The following TENM4 variants were observed in gnomAD, a reference collection of about 807,000 sequenced individuals.
The protein encoded by TENM4 is teneurin-4.
In TENM4, 82 loss-of-function variants were observed where a neutral mutation model predicts 243.3. That is an observed-to-expected ratio of 0.34 (90% CI 0.28 to 0.40). The LOEUF is 0.40. Ranked by LOEUF, TENM4 falls within the 10% of genes least tolerant of loss-of-function variation. The pLI is 1.00. For missense variants in TENM4, 3,138 were observed against 3,673.3 expected, an observed-to-expected ratio of 0.85 and a Z score of 3.77; for synonymous variants, 1,412 against 1,456.3, an observed-to-expected ratio of 0.97 and a Z score of 0.69.
chr11:79,387,857 T>C (rs186481729), intron 1 of TENM4, among the ~76,000 whole-genome samples: 54 of 152,016 alleles, frequency 3.6e-4, no homozygotes, highest in Non-Finnish European at 6.8e-4. Flanking sequence ...ATACAAAAAT[T>C]AGCCAGGTGT....
chr11:79,169,806 G>A (rs994789046), intron 3 of TENM4, among the ~76,000 whole-genome samples: 4 of 152,232 alleles, frequency 2.6e-5, no homozygotes, highest in Non-Finnish European at 5.9e-5. Context: ...TGCATAAGGA[G>A]CTGGCAGACA....
At chr11:78,958,602 G>T (rs1857255312) in intron 6 of TENM4, among the ~76,000 whole-genome samples, 2 of 152,220 alleles carry the variant, frequency 1.3e-5, no homozygotes, top group Non-Finnish European at 2.9e-5. Context: ...TTTACATGGG[G>T]ATTTTAGCAG....
intron 6 of TENM4, among the ~76,000 whole-genome samples, chr11:79,029,260 C>T (rs560688920): frequency 6.6e-6 from 1 of 152,274 alleles, no homozygotes; most frequent in Admixed American, 6.5e-5. Context: ...AGCTCAAAGT[C>T]TAGCGGAGAG....
intron 18 of TENM4, among the ~76,000 whole-genome samples, chr11:78,759,674 A>G (rs1792136): frequency 0.72 from 109,321 of 152,138 alleles, 42,302 homozygotes; most frequent in Non-Finnish European, 0.88. Flanking sequence ...TATTACAGTG[A>G]TGGCGATGAT....
rs555843468 is a variant in TENM4, at chr11:78,669,594, C to T, written c.6751G>A (p.Val2251Met). The change falls in exon 32 of 34, where the codon GTG becomes ATG. Residue 2251 changes from valine to methionine, a missense_variant. Around this residue, in one of 2 missense-constraint regions of TENM4, gnomAD observed 2,467 missense variants for 3,059.1 expected, o/e 0.81. Transcript: ENST00000278550. The surrounding 1 kb of genome is among the most constrained non-coding windows in gnomAD (Gnocchi z 6.4). Reference sequence around the variant, plus strand: ...CCATCCTCATCCATCTTGTATTGCACGTCACCCAGCCGAGTGATGCGGTCG... The same window carrying T: ...CCATCCTCATCCATCTTGTATTGCATGTCACCCAGCCGAGTGATGCGGTCG... ...IRDRITRLGD[V>M]QYKMDEDGFL... 4.3e-5 allele frequency: 70 copies of T among 1,613,966 alleles called. No individual in the cohort carries two copies. Among genetic ancestry groups the T allele is most frequent in the East Asian group, 6.7e-5 (3 of 44,868 alleles).
At chr11:79,115,573 A>G (rs1255433835) in intron 4 of TENM4, among the ~76,000 whole-genome samples, 2 of 151,876 alleles carry the variant, frequency 1.3e-5, no homozygotes, top group Non-Finnish European at 2.9e-5. Context: ...CTCTAGCCTG[A>G]CCTCTTTCTT....
intron 4 of TENM4, among the ~76,000 whole-genome samples, chr11:79,128,411 A>C (rs550652745): frequency 1.3e-5 from 2 of 152,306 alleles, no homozygotes; most frequent in East Asian, 3.9e-4. Flanking sequence ...CATCAAAAGG[A>C]AATGGTATAT....
intron 16 of TENM4, among the ~76,000 whole-genome samples, chr11:78,783,872 C>T (rs551875346): frequency 4.6e-5 from 7 of 152,262 alleles, no homozygotes; most frequent in African/African-American, 1.7e-4. Context: ...GGAAATGTCA[C>T]TGGGGTAAAA....
intron 12 of TENM4, among the ~76,000 whole-genome samples, chr11:78,842,136 A>G (rs1858273076): frequency 6.6e-6 from 1 of 152,208 alleles, no homozygotes; most frequent in Non-Finnish European, 1.5e-5. Context: ...TCTGCCTATT[A>G]GTAACTGCCA....
chr11:79,136,658 G>A (rs925153872), intron 4 of TENM4, among the ~76,000 whole-genome samples: 2 of 152,110 alleles, frequency 1.3e-5, no homozygotes, highest in East Asian at 1.9e-4. Flanking sequence ...TACTTGCTCC[G>A]GATATGGGTT....
At chr11:78,976,292 A>G (rs767866103) in intron 6 of TENM4, among the ~76,000 whole-genome samples, 4 of 152,230 alleles carry the variant, frequency 2.6e-5, no homozygotes, top group Non-Finnish European at 4.4e-5. Flanking sequence ...TCGTGTAACC[A>G]ATGAACCAGG....
chr11:79,313,190 G>C lies in TENM4; in HGVS notation c.-320-15647C>G, dbSNP rs375806512. ...CTTTTCCTCAGATTACAAAATGGAA[G>C]GGAGTTTCTAGTGTTTGAGAATGCT... On this transcript the variant is annotated intron_variant, in intron 1 of 33. Coordinates refer to ENST00000278550, the MANE Select transcript of TENM4 (RefSeq NM_001098816.3). Among the ~76,000 whole-genome samples the C allele has an allele frequency of 7.9e-5, 12 of 152,316 alleles. No individual in the cohort carries two copies. In the East Asian group the frequency reaches 2.1e-3, roughly 27 times the overall value.
intron 25 of TENM4, among the ~76,000 whole-genome samples, chr11:78,720,168 A>C (rs1331601298): frequency 1.3e-5 from 2 of 152,212 alleles, no homozygotes; most frequent in Non-Finnish European, 2.9e-5. Context: ...TCACTTTGCA[A>C]CAGATCCAAG....
At chr11:79,349,340 G>A (rs1269158688) in intron 1 of TENM4, among the ~76,000 whole-genome samples, 2 of 152,188 alleles carry the variant, frequency 1.3e-5, no homozygotes, top group Non-Finnish European at 2.9e-5. Context: ...TTTCACCGAC[G>A]TTTCCTTGGA....
At chr11:79,364,305 C>G (rs1181894142) in intron 1 of TENM4, among the ~76,000 whole-genome samples, 1 of 152,202 alleles carries the variant, frequency 6.6e-6, no homozygotes, top group East Asian at 1.9e-4. Context: ...CTCAGCACCC[C>G]CCGGCCCAAT....
intron 19 of TENM4, among the ~76,000 whole-genome samples, chr11:78,741,217 G>C (rs1288662565): frequency 3.9e-5 from 6 of 152,108 alleles, no homozygotes; most frequent in Non-Finnish European, 7.4e-5. Context: ...GAAAAGATGT[G>C]AGTGCTGGGC....
chr11:79,013,261 C>T (rs1296041162), intron 6 of TENM4, among the ~76,000 whole-genome samples: 1 of 152,206 alleles, frequency 6.6e-6, no homozygotes, highest in Admixed American at 6.5e-5. Flanking sequence ...TTCCACCTCC[C>T]GCATTCCTTG....
At chr11:78,846,298 A>G (rs1858391150) in intron 12 of TENM4, among the ~76,000 whole-genome samples, 1 of 152,190 alleles carries the variant, frequency 6.6e-6, no homozygotes, top group Non-Finnish European at 1.5e-5. Flanking sequence ...ATATGTGTAT[A>G]TATATTTGAT....
At chr11:79,164,448 G>C (rs1862857496) in intron 3 of TENM4, among the ~76,000 whole-genome samples, 2 of 128,836 alleles carry the variant, frequency 1.6e-5, no homozygotes, top group South Asian at 5.1e-4. Flanking sequence ...GTACTATATA[G>C]TATATATAGT....
Sources: allele counts gnomAD v4.1 joint callset (sites outside exome capture counted in the v4.1 genomes callset), GRCh38; gene constraint gnomAD v4.1.1; regional missense constraint gnomAD v4.1.1; non-coding constraint Gnocchi (gnomAD v3.1); transcripts MANE v1.5; gene names NCBI Gene and HGNC (gene_info 2026-07-23, HGNC 2026-07-21).